GRK3: variants seen among roughly 807,000 people sequenced by gnomAD.
The protein encoded by GRK3 is adrenergic, beta, receptor kinase 2.
Under a neutral mutation model 95.7 loss-of-function variants are expected in GRK3, and 54 were observed. That is an observed-to-expected ratio of 0.56 (90% CI 0.45 to 0.71). The LOEUF (loss-of-function observed/expected upper bound fraction) is 0.71. GRK3 is among the 30% of genes least tolerant of loss of function. The pLI is 0.00. For missense variants in GRK3, 649 were observed against 851.2 expected, an observed-to-expected ratio of 0.76 and a Z score of 2.96; for synonymous variants, 281 against 290.8, an observed-to-expected ratio of 0.97 and a Z score of 0.34.
chr22:25,585,231 G>A (rs1332476598), intron 1 of GRK3, among the ~76,000 whole-genome samples: 1 of 152,292 alleles, frequency 6.6e-6, no homozygotes, highest in Non-Finnish European at 1.5e-5. Context: ...TTAAGGAAGT[G>A]AAGTGGAAGT....
intron 4 of GRK3, among the ~76,000 whole-genome samples, chr22:25,663,143 G>A (rs558751875): frequency 2.3e-4 from 35 of 152,274 alleles, no homozygotes; most frequent in African/African-American, 7.9e-4. Context: ...AGCCTCCAGA[G>A]TAGTTAGGAC....
chr22:25,595,380 A>T (rs538793439), intron 1 of GRK3, among the ~76,000 whole-genome samples: 1 of 152,340 alleles, frequency 6.6e-6, no homozygotes, highest in East Asian at 1.9e-4. Context: ...CTGAGAGCCA[A>T]ATTAAAATGC....
rs184587358 is a variant in GRK3 at position 25,724,934 on chromosome 22, C to T, written c.*2484C>T. 6.6e-6 allele frequency: 1 copy of T among 152,064 alleles called. No homozygotes were observed. The highest frequency in any genetic ancestry group is 1.5e-5 in the Non-Finnish European group (1 of 68,034). The allele number at this position is 152,064 out of a possible 1,614,324, so 9.4% of individuals were successfully genotyped here. On this transcript the variant is annotated 3_prime_UTR_variant, in exon 21 of 21. Transcript: ENST00000324198. ...GGAGAACAGTGGGATGATCATGGCT[C>T]ACTGCAGCCTTGAATTCCTAGGTTC...
At chr22:25,624,777 TC>T (rs2084614365) in intron 2 of GRK3, among the ~76,000 whole-genome samples, 1 of 152,198 alleles carries the variant, frequency 6.6e-6, no homozygotes, top group South Asian at 2.1e-4. Flanking sequence ...AGCTTCTAGT[TC>T]AGTATTTTAC....
chr22:25,583,346 T>A, intron 1 of GRK3, among the ~76,000 whole-genome samples: 1 of 150,386 alleles, frequency 6.6e-6, no homozygotes, highest in East Asian at 1.9e-4. Context: ...GGCCTGGCGT[T>A]TTTCTGTGTA....
At chr22:25,713,259 A>G (rs1266021216) in intron 17 of GRK3, among the ~76,000 whole-genome samples, 1 of 152,106 alleles carries the variant, frequency 6.6e-6, no homozygotes, top group African/African-American at 2.4e-5. Flanking sequence ...CATCACTCAC[A>G]CACACACTCA....
intron 13 of GRK3, among the ~76,000 whole-genome samples, chr22:25,699,703 T>TC (rs1340609745): frequency 6.7e-6 from 1 of 148,266 alleles, no homozygotes; most frequent in South Asian, 2.1e-4. Flanking sequence ...TCTTTTCTTT[T>TC]TTTTTTTTTT....
chr22:25,617,142 C>T (rs1171013096), intron 2 of GRK3, among the ~76,000 whole-genome samples: 2 of 152,156 alleles, frequency 1.3e-5, no homozygotes, highest in African/African-American at 4.8e-5. Context: ...CATATTCTTA[C>T]CTTATACGAT....
chr22:25,616,052 T>C (rs1294742121), intron 2 of GRK3, among the ~76,000 whole-genome samples: 1 of 150,640 alleles, frequency 6.6e-6, no homozygotes, highest in Non-Finnish European at 1.5e-5. Context: ...GGCCAGGCCC[T>C]TGAGGCCCTT....
At chr22:25,588,960 G>C (rs1206868417) in intron 1 of GRK3, among the ~76,000 whole-genome samples, 17 of 151,860 alleles carry the variant, frequency 1.1e-4, no homozygotes, top group Non-Finnish European at 1.0e-4. Context: ...TTGTAGAGAG[G>C]GGTTCTCGCT....
At chr22:25,655,168 C>T (rs2084861243) in intron 3 of GRK3, among the ~76,000 whole-genome samples, 2 of 152,206 alleles carry the variant, frequency 1.3e-5, no homozygotes, top group African/African-American at 4.8e-5. Flanking sequence ...CATTGTATTT[C>T]CACTTTCCTG....
chr22:25,628,015 A>G (rs1024553503), intron 2 of GRK3, among the ~76,000 whole-genome samples: 2 of 152,252 alleles, frequency 1.3e-5, no homozygotes, highest in Non-Finnish European at 2.9e-5. Flanking sequence ...CCCATCATCC[A>G]GGGTAAAACT....
Position 25,723,436 on chromosome 22 carries a change from G to T in GRK3, c.*986G>T, listed in dbSNP as rs1463776688. 2 of 152,214 alleles carry T rather than the reference G, an allele frequency of 1.3e-5. No homozygotes were observed. The highest frequency in any genetic ancestry group is 2.9e-5 in the Non-Finnish European group (2 of 68,056). 9.4% of individuals were successfully genotyped at this position (152,214 alleles called of 1,614,324 possible). A position where few individuals can be genotyped will look rare whatever the true frequency, so the allele number is the denominator to read the frequency against. ...TTGTATTGAAAAAATGCTGAGGAAT[G>T]AATGTGTCAAAATGGGTTAACTGTG... On this transcript the variant is annotated 3_prime_UTR_variant, in exon 21 of 21. Transcript: ENST00000324198.
At position 25,704,116 on chromosome 22, in the gene GRK3, A is replaced by G; in HGVS notation, c.1235A>G (p.Glu412Gly). 1 of 1,610,958 alleles carries G rather than the reference A, an allele frequency of 6.2e-7. No individual in the cohort carries two copies. The highest frequency in any genetic ancestry group is 8.5e-7 in the Non-Finnish European group (1 of 1,178,284). Residue 412 changes from glutamate (E) to glycine (G), a missense_variant, in exon 15 of 21, where the codon GAA (glutamate) becomes GGA (glycine). Glu to Gly is a moderately conservative substitution (Grantham distance 98). Coordinates refer to ENST00000324198, the MANE Select transcript of GRK3 (RefSeq NM_005160.4). ...TACTCGTCTTTTCCCCAGAATGTGG[A>G]ACTTCCAGACACCTTCTCTCCTGAA... The part of the protein sequence containing the change: ...IDRMTLTVNV[E>G]LPDTFSPELK...
At chr22:25,712,049 G>A (rs2085348051) in intron 17 of GRK3, among the ~76,000 whole-genome samples, 1 of 152,244 alleles carries the variant, frequency 6.6e-6, no homozygotes, top group Admixed American at 6.5e-5. Context: ...GGAGGAAGAT[G>A]GGAGGATTGT....
intron 19 of GRK3, 152 bp downstream of exon 19, chr22:25,718,533 A>G (rs1455503122): frequency 1.1e-6 from 1 of 929,716 alleles, no homozygotes; most frequent in Non-Finnish European, 1.6e-6. Flanking sequence ...GCAAACTTTA[A>G]CTTGTTTTTA....
chr22:25,712,536 A>T (rs568736173), intron 17 of GRK3, among the ~76,000 whole-genome samples: 33 of 152,366 alleles, frequency 2.2e-4, no homozygotes, highest in African/African-American at 7.5e-4. Context: ...GCCCACAAAC[A>T]TTTTTTAATG....
At chr22:25,596,525 A>G (rs1476198820) in intron 1 of GRK3, among the ~76,000 whole-genome samples, 4 of 152,228 alleles carry the variant, frequency 2.6e-5, no homozygotes, top group African/African-American at 4.8e-5. Flanking sequence ...TAAAATTATC[A>G]TTTGATTTAT....
Position 25,604,406 on chromosome 22 carries a change from C to A in GRK3, c.143C>A (p.Ala48Glu), listed in dbSNP as rs768622269. 7 of 1,612,166 alleles carry A rather than the reference C, an allele frequency of 4.3e-6. No individual in the cohort carries two copies. In the Admixed American group the frequency reaches 1.2e-4, roughly 27 times the overall value. ...SIRSVMQKYL[A>E]ERNEITFDKI... is the part of the protein sequence containing the mutation. ...CGGAGTGTGATGCAGAAGTACCTTG[C>A]AGAGAGAAATGAAATAACCTTTGAC... The change falls in exon 2 of 21, where the codon GCA becomes GAA. Residue 48 changes from alanine (A) to glutamate (E), a missense_variant. This residue lies in a region of GRK3 where 206 missense variants were observed against 231.4 expected (regional missense o/e 0.89). Transcript: ENST00000324198.
Sources: allele counts gnomAD v4.1 joint callset (sites outside exome capture counted in the v4.1 genomes callset), GRCh38; gene constraint gnomAD v4.1.1; regional missense constraint gnomAD v4.1.1; transcripts MANE v1.5; gene names NCBI Gene and HGNC (gene_info 2026-07-23, HGNC 2026-07-21).